The following ATAD3B variants were observed in gnomAD, a reference collection of about 807,000 sequenced individuals.
ATAD3B encodes ATPase family AAA domain containing 3B, also known as ATPase family AAA domain-containing protein 3B.
A neutral mutation model predicts 70.2 loss-of-function variants in ATAD3B; 59 were observed. The ratio of observed to expected loss-of-function variants is 0.84; its 90% CI spans 0.68 to 1.04. The LOEUF is 1.04. Among genes scored for constraint, ATAD3B ranks in the 50% least tolerant of loss-of-function variants. ATAD3B has a pLI of 0.00. For missense variants in ATAD3B, 961 were observed against 913.4 expected (o/e 1.05, Z -0.67); for synonymous variants, 423 against 388.6 (o/e 1.09, Z -1.04).
In ATAD3B at chr1:1,496,010, C is replaced by T; in HGVS notation, c.*193C>T. The T allele has an allele frequency of 1.5e-6, 2 of 1,344,098 alleles. No homozygotes were observed. Among genetic ancestry groups the T allele is most frequent in the Non-Finnish European group, 1.9e-6 (2 of 1,049,054 alleles). 83.3% of individuals were successfully genotyped at this position (1,344,098 alleles called of 1,614,324 possible). A position where few individuals can be genotyped will look rare whatever the true frequency, so the allele number is the denominator to read the frequency against. On this transcript the variant is annotated 3_prime_UTR_variant, in exon 16 of 16. Transcript: ENST00000673477. The stretch of plus-strand genomic sequence containing the variant: ...CAGGCGGGGTCTTTGTTCTCGGCTC[C>T]CACAGCAGAGCCAGGTGAGGGGGGG...
rs1333217416 is a variant in ATAD3B, at chr1:1,479,364, G to GCACA, written c.444+258_444+259insCACA. Among the ~76,000 whole-genome samples, 334 of 144,874 alleles carry GCACA rather than the reference G, an allele frequency of 2.3e-3. 33 individuals carry two copies. The highest frequency in any genetic ancestry group is 8.2e-3 in the African/African-American group (316 of 38,706). Reference sequence around the variant, plus strand: ...CACACTCCTCGCACACACACTCCCGGCAGACAGGCACACACACCCCTGCAC... The same window carrying GCACA: ...CACACTCCTCGCACACACACTCCCGGCACACAGACAGGCACACACACCCCTGCAC... On this transcript the variant is annotated intron_variant, in intron 4 of 15. Coordinates refer to ENST00000673477, the MANE Select transcript of ATAD3B (RefSeq NM_031921.6).
At chr1:1,498,983 T>C (rs949477799), downstream of ATAD3B, among the ~76,000 whole-genome samples, 5 of 145,918 alleles carry the variant, frequency 3.4e-5, no homozygotes, top group Non-Finnish European at 7.4e-5. Context: ...TTTTTTTTTT[T>C]CTTTTTGAGA....
intron 1 of ATAD3B, among the ~76,000 whole-genome samples, chr1:1,474,593 G>C (rs1334539428): frequency 6.6e-6 from 1 of 151,790 alleles, no homozygotes; most frequent in Non-Finnish European, 1.5e-5. Context: ...TTTGCCTTTG[G>C]GGTTCAAGCG....
In ATAD3B at chr1:1,489,492, C is replaced by T. The variant is rs1278088775; in HGVS notation, c.1337+218C>T. 54 of 1,019,196 alleles carry T rather than the reference C, an allele frequency of 5.3e-5. 1 individual carries two copies. The East Asian group carries it at 1.3e-3, about 24-fold the overall frequency. 63.1% of individuals were successfully genotyped at this position (1,019,196 alleles called of 1,614,324 possible). A position where few individuals can be genotyped will look rare whatever the true frequency, so the allele number is the denominator to read the frequency against. ...CGGGCAGAGCTGGGGTCAGTCCTGT[C>T]TTCACGGCCCTGTGCGCCGCCGCCC... On this transcript the variant is annotated intron_variant, in intron 13 of 15. Coordinates refer to ENST00000673477, the MANE Select transcript of ATAD3B (RefSeq NM_031921.6).
chr1:1,491,208 G>T (rs1268750720), intron 15 of ATAD3B, among the ~76,000 whole-genome samples: 2 of 151,968 alleles, frequency 1.3e-5, no homozygotes, highest in Non-Finnish European at 2.9e-5. Flanking sequence ...CCGAGGAGCC[G>T]AGACTCACTG....
At chr1:1,472,923 T>G (rs1481031467) in intron 1 of ATAD3B, among the ~76,000 whole-genome samples, 3 of 151,654 alleles carry the variant, frequency 2.0e-5, no homozygotes, top group African/African-American at 7.3e-5. Context: ...AACCTCCGCC[T>G]CCGATTCTCC....
chr1:1,482,555 A>G lies in ATAD3B; in HGVS notation c.691A>G (p.Thr231Ala), dbSNP rs1639974710. ...TVLESIRTAG[T>A]LFGEGFRAFV... ...CTGCTTTCCCCGCAGGACGGCTGGC[A>G]CCTTGTTTGGGGAAGGATTCCGTGC... is the stretch of plus-strand genomic sequence containing the variant. Residue 231 changes from threonine (T) to alanine (A), a missense_variant, in exon 7 of 16, where the codon ACC becomes GCC. Thr to Ala is a moderately conservative substitution (Grantham distance 58, BLOSUM62 0). Around this residue, in one of 4 missense-constraint regions of ATAD3B, gnomAD observed 349 missense variants for 307.5 expected, o/e 1.14. Coordinates refer to ENST00000673477, the MANE Select transcript of ATAD3B (RefSeq NM_031921.6). 1 of 1,613,300 alleles carries G rather than the reference A, an allele frequency of 6.2e-7. No individual in the cohort carries two copies. Among genetic ancestry groups the G allele is most frequent in the East Asian group, 2.2e-5 (1 of 44,864 alleles).
intron 1 of ATAD3B, among the ~76,000 whole-genome samples, chr1:1,473,805 C>T (rs1639454797): frequency 6.6e-6 from 1 of 151,950 alleles, no homozygotes; most frequent in South Asian, 2.1e-4. Flanking sequence ...GCAGGGGTTC[C>T]TTTTTAGAAA....
intron 1 of ATAD3B, among the ~76,000 whole-genome samples, chr1:1,474,712 G>A (rs1256599281): frequency 6.6e-6 from 1 of 151,920 alleles, no homozygotes; most frequent in African/African-American, 2.4e-5. Context: ...ATGTTGTTTA[G>A]GCTGGTCTTG....
chr1:1,490,191 C>A, intron 13 of ATAD3B, 66 bp from the exon 14 acceptor site: 1 of 1,576,350 alleles, frequency 6.3e-7, no homozygotes, highest in Non-Finnish European at 8.6e-7. Context: ...GCTGAGGAGC[C>A]CCCGTTGCCC....
intron 4 of ATAD3B, among the ~76,000 whole-genome samples, chr1:1,480,185 C>G (rs191776312): frequency 1.6e-5 from 2 of 122,674 alleles, no homozygotes; most frequent in East Asian, 5.7e-4. Context: ...GAGGGCACAC[C>G]CCCACCCCCC....
chr1:1,490,737 C>G (rs1037779974), intron 15 of ATAD3B, 66 bp downstream of exon 15: 1 of 1,530,766 alleles, frequency 6.5e-7, no homozygotes, highest in African/African-American at 1.4e-5. Context: ...CTCAGTTGCG[C>G]CAGGCCTGTC....
chr1:1,484,569 C>G (rs995940112), intron 7 of ATAD3B: 17 of 161,548 alleles, frequency 1.1e-4, no homozygotes, highest in Non-Finnish European at 1.8e-4. Flanking sequence ...TCTGGTGATA[C>G]GCCGGCCTTG....
chr1:1,493,088 G>A (rs1402405548), intron 15 of ATAD3B, among the ~76,000 whole-genome samples: 1 of 152,004 alleles, frequency 6.6e-6, no homozygotes, highest in Non-Finnish European at 1.5e-5. Context: ...TCCAGTCTGG[G>A]CGACAGAGCG....
Position 1,484,996 on chromosome 1 carries a change from G to T in ATAD3B, c.751-20G>T. 3.8e-6 allele frequency: 6 copies of T among 1,597,384 alleles called. No homozygotes were observed. Among genetic ancestry groups the T allele is most frequent in the Non-Finnish European group, 5.1e-6 (6 of 1,173,168 alleles). On this transcript the variant is annotated intron_variant, in intron 7 of 15. Transcript: ENST00000673477. ...AGGGACGGTGGGGGCCGGTGCGCCA[G>T]TGCGGTGTCTCTGCTGCAGGTGGCT...
intron 3 of ATAD3B, 31 bp downstream of exon 3, chr1:1,478,776 G>T (rs749888372): frequency 6.9e-7 from 1 of 1,458,564 alleles, no homozygotes. Context: ...GAGGGAGGCC[G>T]CCCGGCTGCG....
At position 1,489,790 on chromosome 1, in the gene ATAD3B, G is replaced by A. The variant is rs556175185; in HGVS notation, c.1338-467G>A. The A allele has an allele frequency of 1.7e-3, 2,216 of 1,288,720 alleles. 36 individuals carry two copies. The highest frequency in any genetic ancestry group is 0.013 in the Middle Eastern group (40 of 3,130). The allele number at this position is 1,288,720 out of a possible 1,614,324, so 79.8% of individuals were successfully genotyped here. ...CCTGGGTCAGCTGCTGCCGTTCGAC[G>A]CTCCCTGGAGCCCTGACTCAGGTCC... is the stretch of plus-strand genomic sequence containing the variant. On this transcript the variant is annotated intron_variant, in intron 13 of 15. Transcript: ENST00000673477.
Position 1,481,023 on chromosome 1 carries a change from C to G in ATAD3B, c.514+87C>G. On this transcript the variant is annotated intron_variant, in intron 5 of 15. Coordinates refer to ENST00000673477, the MANE Select transcript of ATAD3B (RefSeq NM_031921.6). The stretch of plus-strand genomic sequence containing the variant: ...GCACTCTGAGCCTGAGTTCTGCCGC[C>G]CGGCCCCTCATAGCTACCAGTGCAG... 8.3e-6 allele frequency: 13 copies of G among 1,557,178 alleles called. 2 individuals are homozygous for G. The highest frequency in any genetic ancestry group is 4.8e-5 in the East Asian group (2 of 41,244).
chr1:1,482,196 C>A lies in ATAD3B; in HGVS notation c.573C>A (p.Thr191=), dbSNP rs771416113. The change falls in exon 6 of 16, where the codon ACC becomes ACA. Residue 191 remains threonine (T), a synonymous_variant. Transcript: ENST00000673477. ...RHKNEMLRVE[T]EARARAKAER... is the part of the protein sequence containing the mutation. ...AGAATGAGATGCTGCGAGTGGAGAC[C>A]GAGGCCCGGGCGCGCGCCAAGGCCG... 15 of 1,610,990 alleles carry A rather than the reference C, an allele frequency of 9.3e-6. No homozygotes were observed. The African/African-American group carries it at 2.0e-4, about 21-fold the overall frequency.
Sources: allele counts gnomAD v4.1 joint callset (sites outside exome capture counted in the v4.1 genomes callset), GRCh38; gene constraint gnomAD v4.1.1; regional missense constraint gnomAD v4.1.1; transcripts MANE v1.5; gene names NCBI Gene and HGNC (gene_info 2026-07-23, HGNC 2026-07-21).